Variants in SUCLG2 observed in about 807,000 individuals in gnomAD.
The protein encoded by SUCLG2 is succinate-CoA ligase GDP-forming subunit beta, also known as succinate--CoA ligase [GDP-forming] subunit beta, mitochondrial.
In SUCLG2, 42 loss-of-function variants were observed where a neutral mutation model predicts 47.9. The ratio of observed to expected loss-of-function variants is 0.88; its 90% CI spans 0.69 to 1.14. SUCLG2 has a LOEUF of 1.14. Among genes scored for constraint, SUCLG2 ranks in the 50% most tolerant of loss-of-function variants. The pLI is 0.00. For synonymous variants in SUCLG2, 195 were observed against 197.3 expected (o/e 0.99, Z 0.10); for missense variants, 571 against 525.9 (o/e 1.09, Z -0.84).
chr3:67,620,766 C>A (rs1700722907), intron 1 of SUCLG2, among the ~76,000 whole-genome samples: 1 of 152,000 alleles, frequency 6.6e-6, no homozygotes, highest in Admixed American at 6.6e-5. Flanking sequence ...GGCTGAGAGG[C>A]CAGCATGTTC....
At chr3:67,370,478 A>G (rs1701937994), downstream of SUCLG2, among the ~76,000 whole-genome samples, 1 of 152,212 alleles carries the variant, frequency 6.6e-6, no homozygotes, top group African/African-American at 2.4e-5. Context: ...ATGAGATCAT[A>G]TACATGAAGA....
chr3:67,548,787 T>C (rs1706932877), intron 2 of SUCLG2, among the ~76,000 whole-genome samples: 1 of 152,134 alleles, frequency 6.6e-6, no homozygotes, highest in Admixed American at 6.5e-5. Flanking sequence ...AGACTAAGCA[T>C]AACAAAATAT....
Position 67,429,599 on chromosome 3 carries a change from A to G in SUCLG2, c.1063-28748T>C, listed in dbSNP as rs548664937. Among the ~76,000 whole-genome samples, 11 of 152,354 alleles carry G rather than the reference A, an allele frequency of 7.2e-5. No individual in the cohort carries two copies. The South Asian group carries it at 1.7e-3, about 23-fold the overall frequency. Reference sequence around the variant, plus strand: ...GACAGGAACAAATTCACACATAACAATATTAACCTTAAATGTAAATGAGCT... The same window carrying G: ...GACAGGAACAAATTCACACATAACAGTATTAACCTTAAATGTAAATGAGCT... On this transcript the variant is annotated intron_variant, in intron 9 of 10. Coordinates refer to ENST00000307227, the MANE Select transcript of SUCLG2 (RefSeq NM_003848.4).
chr3:67,369,793 A>T (rs961540697), downstream of SUCLG2, among the ~76,000 whole-genome samples: 8 of 152,212 alleles, frequency 5.3e-5, no homozygotes, highest in African/African-American at 1.9e-4. Context: ...AGATCAGCCC[A>T]GGCATTCTGT....
chr3:67,623,100 T>C (rs79754038), intron 1 of SUCLG2, among the ~76,000 whole-genome samples: 8,691 of 152,210 alleles, frequency 0.057, 342 homozygotes, highest in African/African-American at 0.11. Flanking sequence ...CCTATGTGTA[T>C]GTATGTGTAT....
intron 2 of SUCLG2, among the ~76,000 whole-genome samples, chr3:67,565,649 C>G (rs1431070276): frequency 1.3e-5 from 2 of 152,152 alleles, no homozygotes; most frequent in African/African-American, 2.4e-5. Flanking sequence ...AATAATTTAT[C>G]CAAATTTCCA....
At chr3:67,642,823 A>G (rs975787097) in intron 1 of SUCLG2, among the ~76,000 whole-genome samples, 5 of 152,122 alleles carry the variant, frequency 3.3e-5, no homozygotes, top group Non-Finnish European at 5.9e-5. Flanking sequence ...TAGCCATTGT[A>G]CAGGCAAGTC....
chr3:67,403,299 A>G (rs1702731964), intron 9 of SUCLG2, among the ~76,000 whole-genome samples: 1 of 151,876 alleles, frequency 6.6e-6, no homozygotes, highest in Non-Finnish European at 1.5e-5. Context: ...CCAAGATGCA[A>G]CTCCCGTGTT....
At chr3:67,617,889 G>A (rs1164163638) in intron 1 of SUCLG2, among the ~76,000 whole-genome samples, 2 of 152,176 alleles carry the variant, frequency 1.3e-5, no homozygotes, top group Admixed American at 6.5e-5. Context: ...AGGAGGAAAG[G>A]TGTAACAAGT....
chr3:67,374,354 G>A (rs1361122695), downstream of SUCLG2, among the ~76,000 whole-genome samples: 6 of 152,134 alleles, frequency 3.9e-5, no homozygotes, highest in Non-Finnish European at 7.4e-5. Flanking sequence ...AAACAAAATA[G>A]TTTGGTCTAC....
chr3:67,515,954 G>A (rs752643737), intron 6 of SUCLG2, among the ~76,000 whole-genome samples: 25 of 151,976 alleles, frequency 1.6e-4, no homozygotes, highest in South Asian at 1.3e-3. Context: ...CCCTCTGCCC[G>A]CTGCCCCCTC....
chr3:67,642,596 CACA>C (rs1458516962), intron 1 of SUCLG2, among the ~76,000 whole-genome samples: 1 of 152,124 alleles, frequency 6.6e-6, no homozygotes, highest in Admixed American at 6.5e-5. Flanking sequence ...GCCTGGATGA[CACA>C]ACAAGACCCC....
At chr3:67,518,096 T>G in intron 6 of SUCLG2, 151 bp downstream of exon 6, 2 of 658,554 alleles carry the variant, frequency 3.0e-6, no homozygotes, top group Non-Finnish European at 5.2e-6. Context: ...CAGGGAAATA[T>G]TTTTCTTCAT....
At chr3:67,617,889 GT>G (rs1202117710) in intron 1 of SUCLG2, among the ~76,000 whole-genome samples, 6 of 152,176 alleles carry the variant, frequency 3.9e-5, no homozygotes, top group African/African-American at 1.4e-4. Context: ...AGGAGGAAAG[GT>G]GTAACAAGTA....
At chr3:67,435,730 T>C (rs1703603416) in intron 9 of SUCLG2, among the ~76,000 whole-genome samples, 1 of 152,202 alleles carries the variant, frequency 6.6e-6, no homozygotes, top group African/African-American at 2.4e-5. Flanking sequence ...CTAAATGTAA[T>C]CTGTTTTGCT....
chr3:67,533,357 G>C (rs564105258), intron 2 of SUCLG2, among the ~76,000 whole-genome samples: 1 of 152,214 alleles, frequency 6.6e-6, no homozygotes, highest in South Asian at 2.1e-4. Flanking sequence ...CATCTATTTG[G>C]AGTCAATAAT....
At chr3:67,509,639 G>A (rs1705731515) in intron 6 of SUCLG2, among the ~76,000 whole-genome samples, 1 of 152,150 alleles carries the variant, frequency 6.6e-6, no homozygotes, top group Admixed American at 6.5e-5. Flanking sequence ...TGAAATAAGA[G>A]CATGAATGAG....
intron 7 of SUCLG2, among the ~76,000 whole-genome samples, chr3:67,506,121 G>C (rs1705631543): frequency 6.6e-6 from 1 of 152,224 alleles, no homozygotes; most frequent in East Asian, 1.9e-4. Context: ...TGCTACTACT[G>C]ATCTAAACAG....
downstream of SUCLG2, among the ~76,000 whole-genome samples, chr3:67,374,467 A>G (rs1019409768): frequency 6.6e-6 from 1 of 152,186 alleles, no homozygotes; most frequent in East Asian, 1.9e-4. Flanking sequence ...GCAGACTGAC[A>G]TCACAGTTCA....
Sources: gnomAD v4.1 joint callset for allele counts (sites outside exome capture counted in the v4.1 genomes callset) on GRCh38, gnomAD v4.1.1 for gene constraint, MANE v1.5 for transcripts, NCBI Gene and HGNC (gene_info 2026-07-23, HGNC 2026-07-21) for gene names.